The following ATG2A variants were observed in gnomAD, a reference collection of about 807,000 sequenced individuals.
ATG2A encodes the protein autophagy-related protein 2 homolog A.
In ATG2A, 103 loss-of-function variants were observed where a neutral mutation model predicts 214.2. The observed-to-expected ratio is 0.48, with a 90% CI of 0.41 to 0.57. The LOEUF is 0.57. ATG2A is among the 20% of genes least tolerant of loss of function. The probability of loss-of-function intolerance (pLI) is 0.00; values close to 1 mark genes in which losing one functional copy is unlikely to be tolerated. For synonymous variants in ATG2A, 1,160 were observed against 1,142.1 expected (o/e 1.02, Z -0.32); for missense variants, 2,312 against 2,613.2 (o/e 0.88, Z 2.51).
Position 64,911,239 on chromosome 11 carries a change from C to G in ATG2A, c.1265G>C (p.Arg422Pro). The change falls in exon 10 of 41, where the codon CGC (arginine) becomes CCC (proline). Residue 422 changes from arginine to proline, a missense_variant. By Grantham distance (103) the Arg-to-Pro change is moderately radical. Transcript: ENST00000377264. The part of the protein sequence containing the change: ...MAPNPLLDTM[R>P]PDSLLKMTLG... ...GGTCATCTTCAGCAGCGAGTCAGGG[C>G]GCATGGTGTCCAGGAGGGGGTTGGG... The G allele has an allele frequency of 6.2e-7, 1 of 1,613,984 alleles. No individual in the cohort carries two copies. The highest frequency in any genetic ancestry group is 8.5e-7 in the Non-Finnish European group (1 of 1,180,020).
In ATG2A at chr11:64,907,860, T is replaced by G. The variant is rs1944612915; in HGVS notation, c.2395A>C (p.Arg799=). 6.2e-7 allele frequency: 1 copy of G among 1,612,852 alleles called. No individual in the cohort carries two copies. Among genetic ancestry groups the G allele is most frequent in the Non-Finnish European group, 8.5e-7 (1 of 1,179,862 alleles). Residue 799 remains arginine (R), a synonymous_variant, in exon 17 of 41, where the codon AGG becomes CGG. Coordinates refer to ENST00000377264, the MANE Select transcript of ATG2A (RefSeq NM_015104.3). The part of the protein sequence containing the change: ...MVIPGDPEEM[R]TFQSRTLALS... Reference sequence around the variant, plus strand: ...GCCAGGGTCCGGCTCTGGAACGTCCTCATCTCCTCAGGGTCTCCAGGGATC... The same window carrying G: ...GCCAGGGTCCGGCTCTGGAACGTCCGCATCTCCTCAGGGTCTCCAGGGATC...
chr11:64,904,137 T>C (rs1199500199), intron 24 of ATG2A, among the ~76,000 whole-genome samples: 1 of 151,888 alleles, frequency 6.6e-6, no homozygotes, highest in Non-Finnish European at 1.5e-5. Flanking sequence ...TCCCAGCTAC[T>C]TGGAAGGCTG....
intron 12 of ATG2A, 83 bp downstream of exon 12, chr11:64,910,533 G>T: frequency 7.0e-7 from 1 of 1,438,150 alleles, no homozygotes; most frequent in Non-Finnish European, 9.5e-7. Context: ...ACAGGGCTGG[G>T]CAGCAGAGGA....
chr11:64,907,699 C>A, intron 17 of ATG2A, 35 bp from the exon 18 acceptor site: 1 of 1,603,282 alleles, frequency 6.2e-7, no homozygotes, highest in Non-Finnish European at 8.5e-7. Context: ...GTAAGGGAGG[C>A]CAGGCCCACC....
intron 1 of ATG2A, among the ~76,000 whole-genome samples, chr11:64,915,801 C>T (rs1369980349): frequency 6.6e-6 from 1 of 152,114 alleles, no homozygotes; most frequent in East Asian, 1.9e-4. Context: ...TAGCGAAATC[C>T]TGTCTCTATA....
rs745430357 is a variant in ATG2A, at chr11:64,905,728, AC to A, written c.3371+13del. ...CATCCCCGTCCCCAGCCCCTGGCCC[AC>A]CCAGCCTGGTACCTATAGTCCACAG... On this transcript the variant is annotated intron_variant, in intron 23 of 40. Transcript: ENST00000377264. The A allele has an allele frequency of 1.2e-6, 2 of 1,613,740 alleles. No homozygotes were observed. Among genetic ancestry groups the A allele is most frequent in the Non-Finnish European group, 8.5e-7 (1 of 1,179,938 alleles).
At chr11:64,901,376 G>A (rs1211903199) in intron 29 of ATG2A, among the ~76,000 whole-genome samples, 2 of 151,900 alleles carry the variant, frequency 1.3e-5, no homozygotes, top group African/African-American at 4.8e-5. Flanking sequence ...TTGTAGAGAC[G>A]GGGTCTCACT....
intron 12 of ATG2A, 125 bp downstream of exon 12, chr11:64,910,491 C>T: frequency 8.3e-7 from 1 of 1,199,066 alleles, no homozygotes; most frequent in Non-Finnish European, 1.2e-6. Flanking sequence ...AGGGCCCCAG[C>T]ATGGAGAGAT....
Position 64,913,459 on chromosome 11 carries a change from C to A in ATG2A, c.591-58G>T. On this transcript the variant is annotated intron_variant, in intron 4 of 40. Transcript: ENST00000377264. This position sits in a 1 kb window ranked among gnomAD's most constrained non-coding sequence, Gnocchi z 4.3. ...CACCCCAGGCCTGGAGCCCCTCTCT[C>A]CACACAGTGCTCTGCTCTAGGGGCA... 1 of 1,497,096 alleles carries A rather than the reference C, an allele frequency of 6.7e-7. No individual in the cohort carries two copies. The highest frequency in any genetic ancestry group is 8.9e-7 in the Non-Finnish European group (1 of 1,118,854). 92.7% of individuals were successfully genotyped at this position (1,497,096 alleles called of 1,614,324 possible).
rs1944216330 is a variant in ATG2A at position 64,898,002 on chromosome 11, G to A, written c.4859-28C>T. ...AGGGGAGGGGAGGTCACAGACTGGG[G>A]ATGGGGCCAGGAATGACTGGGAACC... On this transcript the variant is annotated intron_variant, in intron 34 of 40. Transcript: ENST00000377264. This position sits in a 1 kb window ranked among gnomAD's most constrained non-coding sequence, Gnocchi z 4.5. The A allele has an allele frequency of 6.3e-7, 1 of 1,578,236 alleles. No individual in the cohort carries two copies. Among genetic ancestry groups the A allele is most frequent in the Non-Finnish European group, 8.6e-7 (1 of 1,164,208 alleles).
intron 6 of ATG2A, chr11:64,912,800 C>G: frequency 4.2e-6 from 2 of 479,196 alleles, no homozygotes; most frequent in Non-Finnish European, 7.4e-6. Context: ...ACCATGTTGG[C>G]CAGGCTGGTC....
At position 64,911,948 on chromosome 11, in the gene ATG2A, A is replaced by G; in HGVS notation, c.1122T>C (p.Ser374=). 3 of 1,613,672 alleles carry G rather than the reference A, an allele frequency of 1.9e-6. No individual in the cohort carries two copies. Among genetic ancestry groups the G allele is most frequent in the Non-Finnish European group, 2.5e-6 (3 of 1,179,796 alleles). Residue 374 remains serine, a synonymous_variant, in exon 9 of 41, where the codon AGT becomes AGC. Coordinates refer to ENST00000377264, the MANE Select transcript of ATG2A (RefSeq NM_015104.3). Reference sequence around the variant, plus strand: ...AGAGCTCAGAGAGGGCTGAGGCCACACTGCTTGTGAGGCCAGCCATGGAGA... The same window carrying G: ...AGAGCTCAGAGAGGGCTGAGGCCACGCTGCTTGTGAGGCCAGCCATGGAGA... ...LFFSMAGLTS[S]VASALSELSL... is the part of the protein sequence containing the mutation.
chr11:64,898,466 C>T lies in ATG2A; in HGVS notation c.4672-104G>A, dbSNP rs777150488. Reference sequence around the variant, plus strand: ...CCCAGCCACCCTGCCTCTGAACACGCTGTTCCCTTCGCTAACACAGCCCCT... The same window carrying T: ...CCCAGCCACCCTGCCTCTGAACACGTTGTTCCCTTCGCTAACACAGCCCCT... On this transcript the variant is annotated intron_variant, in intron 32 of 40. Transcript: ENST00000377264. This position sits in a 1 kb window ranked among gnomAD's most constrained non-coding sequence, Gnocchi z 4.5. 7 of 1,330,018 alleles carry T rather than the reference C, an allele frequency of 5.3e-6. No individual in the cohort carries two copies. The highest frequency in any genetic ancestry group is 7.2e-6 in the Non-Finnish European group (7 of 967,432). 82.4% of individuals were successfully genotyped at this position (1,330,018 alleles called of 1,614,324 possible). A position where few individuals can be genotyped will look rare whatever the true frequency, so the allele number is the denominator to read the frequency against.
At chr11:64,897,083 C>T (rs1403103624) in intron 37 of ATG2A, 12 of 726,722 alleles carry the variant, frequency 1.7e-5, no homozygotes, top group East Asian at 1.1e-4. Context: ...TGAAGTGGTG[C>T]GATCTTGGCT....
At chr11:64,912,662 T>C (rs2136636640) in intron 6 of ATG2A, 1 of 503,422 alleles carries the variant, frequency 2.0e-6, no homozygotes. Context: ...GGTGCAATCT[T>C]GGCTCACTGC....
chr11:64,900,313 A>C (rs1944307345), intron 31 of ATG2A, among the ~76,000 whole-genome samples, 181 bp downstream of exon 31: 2 of 148,660 alleles, frequency 1.3e-5, no homozygotes, highest in South Asian at 2.1e-4. Context: ...ACCCCTGCAG[A>C]CTCTCCCCTG....
In ATG2A at chr11:64,911,266, G is replaced by T. The variant is rs201374846; in HGVS notation, c.1238C>A (p.Ala413Asp). Residue 413 changes from alanine to aspartate, a missense_variant, in exon 10 of 41, where the codon GCC (alanine) becomes GAC (aspartate). Ala to Asp is a moderately radical substitution (Grantham distance 126). Coordinates refer to ENST00000377264, the MANE Select transcript of ATG2A (RefSeq NM_015104.3). Reference sequence around the variant, plus strand: ...CATGGTGTCCAGGAGGGGGTTGGGGGCCATCTTGCCTGAGGGGACAGAGGC... The same window carrying T: ...CATGGTGTCCAGGAGGGGGTTGGGGTCCATCTTGCCTGAGGGGACAGAGGC... ...SAQAHPAGKM[A>D]PNPLLDTMRP... 4.6e-5 allele frequency: 75 copies of T among 1,613,566 alleles called. No homozygotes were observed. Among genetic ancestry groups the T allele is most frequent in the East Asian group, 2.2e-5 (1 of 44,884 alleles).
At position 64,906,678 on chromosome 11, in the gene ATG2A, T is replaced by G; in HGVS notation, c.2970A>C (p.Thr990=). The change falls in exon 20 of 41, where the codon ACA becomes ACC. Residue 990 remains threonine (T), a synonymous_variant. Transcript: ENST00000377264. Reference sequence around the variant, plus strand: ...CAGGCCTCACACCTCGGTGGTAGAGTGTTGCCTTTTCAGCTTCCAGACAGA... The same window carrying G: ...CAGGCCTCACACCTCGGTGGTAGAGGGTTGCCTTTTCAGCTTCCAGACAGA... ...GYFCLEAEKA[T]LYHRAAVDDY... 1 of 1,613,086 alleles carries G rather than the reference T, an allele frequency of 6.2e-7. No homozygotes were observed. Among genetic ancestry groups the G allele is most frequent in the Non-Finnish European group, 8.5e-7 (1 of 1,179,872 alleles).
chr11:64,907,940 G>T (rs757690116), intron 16 of ATG2A, 50 bp from the exon 17 acceptor site: 6 of 1,575,588 alleles, frequency 3.8e-6, no homozygotes. Flanking sequence ...AGAGACGCTG[G>T]CTGGGGCCTG....
Sources: gnomAD v4.1 joint callset for allele counts (sites outside exome capture counted in the v4.1 genomes callset) on GRCh38, gnomAD v4.1.1 for gene constraint, Gnocchi (gnomAD v3.1) non-coding constraint, MANE v1.5 for transcripts, NCBI Gene and HGNC (gene_info 2026-07-23, HGNC 2026-07-21) for gene names.